Variants in NALF1 observed in about 807,000 individuals in gnomAD.
The protein encoded by NALF1 is family with sequence similarity 155 member A.
NALF1 carries 3 observed loss-of-function variants against 48.4 expected under a neutral mutation model. The observed-to-expected ratio is 0.06, with a 90% CI of 0.03 to 0.16. The LOEUF is 0.16. Among genes scored for constraint, NALF1 ranks in the 10% least tolerant of loss-of-function variants. NALF1 has a pLI of 1.00. For synonymous variants in NALF1, 262 were observed against 245.7 expected (o/e 1.07, Z -0.62); for missense variants, 526 against 571.5 (o/e 0.92, Z 0.81).
rs1360948767 is a variant in NALF1, at chr13:107,169,855, T to C, written c.*642A>G. 6.5e-6 allele frequency: 1 copy of C among 152,744 alleles called. No individual in the cohort carries two copies. The highest frequency in any genetic ancestry group is 1.5e-5 in the Non-Finnish European group (1 of 68,138). The allele number at this position is 152,744 out of a possible 1,614,324, so 9.5% of individuals were successfully genotyped here. A position where few individuals can be genotyped will look rare whatever the true frequency, so the allele number is the denominator to read the frequency against. On this transcript the variant is annotated 3_prime_UTR_variant, in exon 3 of 3. Transcript: ENST00000375915. ...TACACAGACAGAAGCAAGCGGATGT[T>C]GTTTGCTTAGGGGACGAGAAGAGGG...
intron 1 of NALF1, among the ~76,000 whole-genome samples, chr13:107,337,661 G>C (rs1438110435): frequency 6.6e-6 from 1 of 152,100 alleles, no homozygotes; most frequent in Non-Finnish European, 1.5e-5. Context: ...CTCTGAAAAA[G>C]TCAAGAGCTG....
At chr13:107,346,439 G>A (rs977403533) in intron 1 of NALF1, among the ~76,000 whole-genome samples, 1 of 152,046 alleles carries the variant, frequency 6.6e-6, no homozygotes, top group Non-Finnish European at 1.5e-5. Flanking sequence ...AACATATTCT[G>A]CCTTTAAAAA....
intron 1 of NALF1, among the ~76,000 whole-genome samples, chr13:107,744,768 T>G (rs1324337714): frequency 3.9e-5 from 6 of 152,246 alleles, no homozygotes; most frequent in Non-Finnish European, 7.3e-5. Flanking sequence ...TACTTTAAAT[T>G]TATACAGGTT....
At chr13:107,582,107 T>C (rs1008965020) in intron 1 of NALF1, among the ~76,000 whole-genome samples, 2 of 149,500 alleles carry the variant, frequency 1.3e-5, no homozygotes, top group Non-Finnish European at 3.0e-5. Flanking sequence ...ATCTACACTA[T>C]ATATAAAATT....
intron 1 of NALF1, among the ~76,000 whole-genome samples, chr13:107,697,844 C>T (rs1205709396): frequency 6.6e-6 from 1 of 152,076 alleles, no homozygotes; most frequent in Admixed American, 6.6e-5. Flanking sequence ...AGCAAAGAGC[C>T]AACTTCTTTC....
chr13:107,796,377 T>C (rs1878424974), intron 1 of NALF1, among the ~76,000 whole-genome samples: 1 of 152,240 alleles, frequency 6.6e-6, no homozygotes, highest in South Asian at 2.1e-4. Context: ...TGTAATACTT[T>C]TGTGTAATGT....
chr13:107,734,153 T>G (rs180731538), intron 1 of NALF1, among the ~76,000 whole-genome samples: 21 of 152,096 alleles, frequency 1.4e-4, no homozygotes, highest in African/African-American at 4.1e-4. Context: ...CTGAGCTCCA[T>G]TATAATCTTA....
intron 1 of NALF1, among the ~76,000 whole-genome samples, chr13:107,863,769 G>A (rs1213418399): frequency 6.6e-6 from 1 of 152,124 alleles, no homozygotes. Context: ...TAAATATACA[G>A]TTGAGAGGTA....
intron 1 of NALF1, among the ~76,000 whole-genome samples, chr13:107,726,962 T>TGTGTGA (rs1876174367): frequency 7.6e-6 from 1 of 130,876 alleles, no homozygotes; most frequent in Non-Finnish European, 1.6e-5. Context: ...TGTGTGTGTG[T>TGTGTGA]GAAATGAAGA....
chr13:107,247,197 T>C (rs1485481897), intron 1 of NALF1, among the ~76,000 whole-genome samples: 2 of 152,204 alleles, frequency 1.3e-5, no homozygotes, highest in Non-Finnish European at 2.9e-5. Flanking sequence ...GACATACATA[T>C]TGGCAAAATA....
intron 1 of NALF1, among the ~76,000 whole-genome samples, chr13:107,359,493 G>T (rs1225789493): frequency 6.6e-6 from 1 of 151,976 alleles, no homozygotes; most frequent in Non-Finnish European, 1.5e-5. Context: ...TTTAAAAGTG[G>T]ACAGTTTAAT....
rs536359574 is a variant in NALF1, at chr13:107,169,193, G to C, written c.*1304C>G. 25 of 152,500 alleles carry C rather than the reference G, an allele frequency of 1.6e-4. No individual in the cohort carries two copies. The highest frequency in any genetic ancestry group is 5.5e-4 in the African/African-American group (23 of 41,548). The allele number at this position is 152,500 out of a possible 1,614,324, so 9.4% of individuals were successfully genotyped here. ...TGTTAGAGTGATAAAGTTTTTGCACGTTAATAAAAATGGCTGACCTATTTA... is the reference window on the plus strand; with the variant it reads ...TGTTAGAGTGATAAAGTTTTTGCACCTTAATAAAAATGGCTGACCTATTTA... On this transcript the variant is annotated 3_prime_UTR_variant, in exon 3 of 3. Transcript: ENST00000375915.
chr13:107,381,318 A>C (rs1243381071), intron 1 of NALF1, among the ~76,000 whole-genome samples: 1 of 151,414 alleles, frequency 6.6e-6, no homozygotes, highest in Admixed American at 6.6e-5. Flanking sequence ...CTGCAGCCTC[A>C]ATGTCCCAAG....
chr13:107,683,435 G>A (rs1052819129), intron 1 of NALF1, among the ~76,000 whole-genome samples: 2 of 152,158 alleles, frequency 1.3e-5, no homozygotes, highest in African/African-American at 4.8e-5. Context: ...TCAAGAGACA[G>A]ACTTAGGGTC....
intron 1 of NALF1, among the ~76,000 whole-genome samples, chr13:107,354,052 T>A (rs1882920578): frequency 6.6e-6 from 1 of 152,022 alleles, no homozygotes; most frequent in Admixed American, 6.6e-5. Context: ...CACGCAAAAA[T>A]CAGAAGCTGA....
chr13:107,226,005 G>A (rs1880095858), intron 1 of NALF1, among the ~76,000 whole-genome samples: 3 of 152,074 alleles, frequency 2.0e-5, no homozygotes, highest in Admixed American at 1.3e-4. Flanking sequence ...ACACGTGGAC[G>A]TTTCTAACTT....
chr13:107,448,432 A>G (rs1476493653), intron 1 of NALF1, among the ~76,000 whole-genome samples: 1 of 152,140 alleles, frequency 6.6e-6, no homozygotes, highest in African/African-American at 2.4e-5. Flanking sequence ...ACATGCTGGC[A>G]CCTTGGACCA....
intron 1 of NALF1, among the ~76,000 whole-genome samples, chr13:107,520,025 AT>A (rs1356082694): frequency 1.3e-5 from 2 of 152,186 alleles, no homozygotes; most frequent in African/African-American, 4.8e-5. Flanking sequence ...GTAAGGATTA[AT>A]TTTTTAATGC....
chr13:107,739,192 G>T (rs1158117495), intron 1 of NALF1, among the ~76,000 whole-genome samples: 1 of 151,966 alleles, frequency 6.6e-6, no homozygotes, highest in East Asian at 1.9e-4. Flanking sequence ...AGAGCATCGA[G>T]ACAAATATCT....
Sources: allele counts gnomAD v4.1 joint callset (sites outside exome capture counted in the v4.1 genomes callset), GRCh38; gene constraint gnomAD v4.1.1; transcripts MANE v1.5; gene names NCBI Gene and HGNC (gene_info 2026-07-23, HGNC 2026-07-21).